The following KIDINS220 variants were observed in gnomAD, a reference collection of about 807,000 sequenced individuals.
KIDINS220 encodes kinase D-interacting substrate of 220 kDa.
Under a neutral mutation model 157.6 loss-of-function variants are expected in KIDINS220, and 63 were observed. That is an observed-to-expected ratio of 0.40 (90% confidence interval 0.33 to 0.49). KIDINS220 has a LOEUF of 0.49. KIDINS220 is among the 20% of genes least tolerant of loss of function. The pLI, the probability that KIDINS220 is intolerant of heterozygous loss-of-function variation, is 0.66. For missense variants in KIDINS220, 1,772 were observed against 2,171.2 expected (o/e 0.82, Z 3.65); for synonymous variants, 732 against 783.6 (o/e 0.93, Z 1.10).
rs1406620011 is a variant in KIDINS220, at chr2:8,803,140, A to G, written c.604-13T>C. 4 of 1,591,430 alleles carry G rather than the reference A, an allele frequency of 2.5e-6. No individual in the cohort carries two copies. Among genetic ancestry groups the G allele is most frequent in the Non-Finnish European group, 2.6e-6 (3 of 1,170,214 alleles). Reference sequence around the variant, plus strand: ...CAGTCATTGAATTCTAAAAACAACAACAACAAAAACAAAACAAAACGCAAG... The same window carrying G: ...CAGTCATTGAATTCTAAAAACAACAGCAACAAAAACAAAACAAAACGCAAG... On this transcript the variant is annotated splice_polypyrimidine_tract_variant and intron_variant, in intron 7 of 29. Transcript: ENST00000256707.
In KIDINS220 at chr2:8,731,401, G is replaced by A. The variant is rs758116376; in HGVS notation, c.4635C>T (p.Ala1545=). The change falls in exon 30 of 30, where the codon GCC becomes GCT. Residue 1545 remains alanine (A), a synonymous_variant. Coordinates refer to ENST00000256707, the MANE Select transcript of KIDINS220 (RefSeq NM_020738.4). This position sits in a 1 kb window ranked among gnomAD's most constrained non-coding sequence, Gnocchi z 5.2. The part of the protein sequence containing the change: ...PLLKDDKDRK[A]EGKVERVPKS... ...TCGGCACTCTCTCTACTTTCCCTTC[G>A]GCTTTTCTGTCTTTGTCATCTTTGA... The A allele has an allele frequency of 1.4e-5, 22 of 1,613,938 alleles. No homozygotes were observed. The highest frequency in any genetic ancestry group is 5.3e-5 in the African/African-American group (4 of 74,866).
At chr2:8,736,780 A>G in intron 27 of KIDINS220, 88 bp downstream of exon 27, 1 of 1,355,766 alleles carries the variant, frequency 7.4e-7, no homozygotes, top group East Asian at 2.3e-5. Context: ...CATGTTTGGG[A>G]AGCTATACAT....
chr2:8,747,274 T>A, intron 25 of KIDINS220, 73 bp from the exon 26 acceptor site: 1 of 1,287,900 alleles, frequency 7.8e-7, no homozygotes, highest in Non-Finnish European at 1.1e-6. Flanking sequence ...CAAATGAACA[T>A]GATGGTAAAA....
intron 22 of KIDINS220, among the ~76,000 whole-genome samples, chr2:8,765,238 A>G (rs867475962): frequency 6.6e-6 from 1 of 152,208 alleles, no homozygotes; most frequent in South Asian, 2.1e-4. Context: ...TTAGAGCCCA[A>G]TTTGATATGC....
Position 8,785,805 on chromosome 2 carries a change from T to C in KIDINS220, c.2165A>G (p.Gln722Arg). ...WQVLDSLLNS[Q>R]RKRLHNAASK... ...GGCTGCATTATGGAGGCGTTTTCTT[T>C]GGGAATTCAGGAGCGAGTCCAGCAC... is the stretch of plus-strand genomic sequence containing the variant. The change falls in exon 17 of 30, where the codon CAA becomes CGA. Residue 722 changes from glutamine (Q) to arginine (R), a missense_variant. By Grantham distance (43) the Gln-to-Arg change is conservative. Around this residue, in one of 3 missense-constraint regions of KIDINS220, gnomAD observed 725 missense variants for 1,017.1 expected, o/e 0.71. Coordinates refer to ENST00000256707, the MANE Select transcript of KIDINS220 (RefSeq NM_020738.4). 1.2e-6 allele frequency: 2 copies of C among 1,614,126 alleles called. No individual in the cohort carries two copies. Among genetic ancestry groups the C allele is most frequent in the Non-Finnish European group, 1.7e-6 (2 of 1,179,994 alleles).
downstream of KIDINS220, chr2:8,725,245 A>G (rs1663206540): frequency 1.4e-4 from 22 of 152,222 alleles, no homozygotes; most frequent in Admixed American, 1.4e-3. Context: ...ACAGCTTTAA[A>G]AAGTGCAAGT....
At chr2:8,746,793 T>TA in intron 26 of KIDINS220, 1 of 211,688 alleles carries the variant, frequency 4.7e-6, no homozygotes, top group Middle Eastern at 1.7e-3. Context: ...ACCACAGGCT[T>TA]AACAAAAACA....
intron 1 of KIDINS220, among the ~76,000 whole-genome samples, chr2:8,835,716 C>G (rs1558517707): frequency 2.7e-5 from 4 of 150,752 alleles, no homozygotes; most frequent in Non-Finnish European, 1.5e-5. Flanking sequence ...ATGGAGGTAC[C>G]TGGGATCCTG....
downstream of KIDINS220, chr2:8,722,750 T>C (rs529477827): frequency 2.0e-5 from 3 of 152,292 alleles, no homozygotes; most frequent in South Asian, 2.1e-4. Context: ...TTACTTGCCT[T>C]TGGGAGGCTG....
At position 8,744,436 on chromosome 2, in the gene KIDINS220, A is replaced by C. The variant is rs1446426596; in HGVS notation, c.3585+2709T>G. ...TATATATATATATATATATATATAT[A>C]TATATATATGGGATCATCTCTATTT... On this transcript the variant is annotated intron_variant, in intron 26 of 29. Coordinates refer to ENST00000256707, the MANE Select transcript of KIDINS220 (RefSeq NM_020738.4). 1.9e-5 allele frequency among the ~76,000 whole-genome samples: 2 copies of C among 104,906 alleles called. 1 individual carries two copies. Among genetic ancestry groups the C allele is most frequent in the East Asian group, 6.1e-4 (2 of 3,292 alleles). The allele number at this position is 104,906 out of a possible 152,430, so 68.8% of individuals were successfully genotyped here. A position where few individuals can be genotyped will look rare whatever the true frequency, so the allele number is the denominator to read the frequency against.
At chr2:8,752,456 G>A (rs181721692) in intron 22 of KIDINS220, among the ~76,000 whole-genome samples, 28 of 152,224 alleles carry the variant, frequency 1.8e-4, no homozygotes, top group South Asian at 6.2e-4. Context: ...AAGGAAAGAC[G>A]CACATGCACA....
At position 8,744,384 on chromosome 2, in the gene KIDINS220, AAAAAATATATATATATAATATATAT is replaced by A. The variant is rs1205078018; in HGVS notation, c.3585+2736_3585+2760del. 9.7e-4 allele frequency among the ~76,000 whole-genome samples: 27 copies of A among 27,928 alleles called. 2 individuals are homozygous for A. The highest frequency in any genetic ancestry group is 2.1e-3 in the South Asian group (1 of 486). The allele number at this position is 27,928 out of a possible 152,430, so 18.3% of individuals were successfully genotyped here. A position where few individuals can be genotyped will look rare whatever the true frequency, so the allele number is the denominator to read the frequency against. ...ATGGCAAAAAAAAAAAAAAAAAAAA[AAAAAATATATATATATAATATATAT>A]ATATATATATATATATATATATATA... On this transcript the variant is annotated intron_variant, in intron 26 of 29. Coordinates refer to ENST00000256707, the MANE Select transcript of KIDINS220 (RefSeq NM_020738.4).
At chr2:8,746,666 C>G (rs901732853) in intron 26 of KIDINS220, 2 of 153,010 alleles carry the variant, frequency 1.3e-5, no homozygotes, top group African/African-American at 4.8e-5. Context: ...ATGTAGACAC[C>G]TAGATTGAGT....
rs1219040737 is a variant in KIDINS220, at chr2:8,817,718, T to C, written c.208-2A>G. On this transcript the variant is annotated splice_acceptor_variant, in intron 3 of 29. Coordinates refer to ENST00000256707, the MANE Select transcript of KIDINS220 (RefSeq NM_020738.4). LOFTEE classifies it high-confidence loss of function. The stretch of plus-strand genomic sequence containing the variant: ...AGATATAAGTGCTGTCCAATTATCC[T>C]TGAACATATATTTTAAAAGTTATCA... The C allele has an allele frequency of 1.9e-6, 3 of 1,579,624 alleles. No individual in the cohort carries two copies. The highest frequency in any genetic ancestry group is 3.6e-5 in the Admixed American group (2 of 55,746).
chr2:8,831,355 C>G (rs1228992105), intron 1 of KIDINS220, among the ~76,000 whole-genome samples: 2 of 151,632 alleles, frequency 1.3e-5, no homozygotes, highest in Admixed American at 1.3e-4. Context: ...TCTACACCTC[C>G]AGCTCCAGCC....
chr2:8,730,803 G>A lies in KIDINS220; in HGVS notation c.5233C>T (p.Leu1745Phe). Residue 1745 changes from leucine to phenylalanine, a missense_variant, in exon 30 of 30, where the codon CTC becomes TTC. By Grantham distance (22) the Leu-to-Phe change is conservative. Transcript: ENST00000256707. ...KRSQRSSYTR[L>F]SKDPPELHAA... is the part of the protein sequence containing the mutation. ...TGGAGCTCCGGAGGATCTTTGGAGAGCCTTGTGTAACTTGAACGTTGGCTT... is the reference window on the plus strand; with the variant it reads ...TGGAGCTCCGGAGGATCTTTGGAGAACCTTGTGTAACTTGAACGTTGGCTT... 1 of 1,614,220 alleles carries A rather than the reference G, an allele frequency of 6.2e-7. No homozygotes were observed. The highest frequency in any genetic ancestry group is 2.2e-5 in the East Asian group (1 of 44,892).
rs1349041327 is a variant in KIDINS220, at chr2:8,730,480, G to T, written c.*240C>A. 1.7e-5 allele frequency: 23 copies of T among 1,377,220 alleles called. No individual in the cohort carries two copies. Among genetic ancestry groups the T allele is most frequent in the Non-Finnish European group, 2.1e-5 (22 of 1,071,722 alleles). The allele number at this position is 1,377,220 out of a possible 1,614,324, so 85.3% of individuals were successfully genotyped here. On this transcript the variant is annotated 3_prime_UTR_variant, in exon 30 of 30. Transcript: ENST00000256707. ...TTATGGGGTAATGCGCCAATGAAAG[G>T]TACAGTAGTATTAGTGAGTTCTGAA...
At chr2:8,805,876 C>T (rs79255749) in intron 7 of KIDINS220, among the ~76,000 whole-genome samples, 46 of 152,292 alleles carry the variant, frequency 3.0e-4, no homozygotes, top group African/African-American at 1.1e-3. Context: ...AGCCTAGGAA[C>T]GGAGTAGGCT....
chr2:8,734,399 C>T (rs921031330), intron 28 of KIDINS220, among the ~76,000 whole-genome samples: 32 of 152,086 alleles, frequency 2.1e-4, no homozygotes, highest in Non-Finnish European at 8.8e-5. Flanking sequence ...CATGAAGAAC[C>T]GGCAGGCGGC....
Sources: allele counts gnomAD v4.1 joint callset (sites outside exome capture counted in the v4.1 genomes callset), GRCh38; gene constraint gnomAD v4.1.1; regional missense constraint gnomAD v4.1.1; non-coding constraint Gnocchi (gnomAD v3.1); transcripts MANE v1.5; gene names NCBI Gene and HGNC (gene_info 2026-07-23, HGNC 2026-07-21).